SLC35F1: variants seen among roughly 807,000 people sequenced by gnomAD.
SLC35F1 encodes solute carrier family 35 member F1.
SLC35F1 carries 14 observed loss-of-function variants against 48.7 expected under a neutral mutation model. The ratio of observed to expected loss-of-function variants is 0.29; its 90% CI spans 0.19 to 0.45. The LOEUF (loss-of-function observed/expected upper bound fraction) is 0.45. Ranked by LOEUF, SLC35F1 falls within the 20% of genes least tolerant of loss-of-function variation. SLC35F1 has a pLI of 1.00. For missense variants in SLC35F1, 404 were observed against 500.0 expected, an observed-to-expected ratio of 0.81 and a Z score of 1.83; for synonymous variants, 190 against 202.2, an observed-to-expected ratio of 0.94 and a Z score of 0.51.
intron 2 of SLC35F1, among the ~76,000 whole-genome samples, chr6:118,177,018 A>G (rs1774499506): frequency 6.6e-6 from 1 of 152,108 alleles, no homozygotes; most frequent in South Asian, 2.1e-4. Context: ...TTAACTTGTT[A>G]AAAGTTATTT....
chr6:118,084,006 GTGTAT>G (rs1185816165), intron 1 of SLC35F1, among the ~76,000 whole-genome samples: 3 of 152,184 alleles, frequency 2.0e-5, no homozygotes, highest in Non-Finnish European at 2.9e-5. Flanking sequence ...CCCTTTACAT[GTGTAT>G]TTTGTTTAAT....
At position 118,056,393 on chromosome 6, in the gene SLC35F1, G is replaced by A. The variant is rs1772463975; in HGVS notation, c.174-98052G>A. Among the ~76,000 whole-genome samples the A allele has an allele frequency of 5.9e-5, 9 of 152,198 alleles. No homozygotes were observed. The South Asian group carries it at 1.9e-3, about 32-fold the overall frequency. On this transcript the variant is annotated intron_variant, in intron 1 of 7. Coordinates refer to ENST00000360388, the MANE Select transcript of SLC35F1 (RefSeq NM_001029858.4). ...CAGATAAATATACATCTCAAAAGCA[G>A]TGCTAGTCTCATCATATTTATTTGA...
chr6:118,205,788 G>T (rs982489011), intron 2 of SLC35F1, among the ~76,000 whole-genome samples: 1 of 152,048 alleles, frequency 6.6e-6, no homozygotes, highest in Non-Finnish European at 1.5e-5. Context: ...ACATATTATG[G>T]AATATTATTC....
intron 1 of SLC35F1, among the ~76,000 whole-genome samples, chr6:118,032,681 G>T (rs1173500980): frequency 6.6e-6 from 1 of 152,092 alleles, no homozygotes; most frequent in Non-Finnish European, 1.5e-5. Flanking sequence ...GTTATAGTTG[G>T]TGTTTTTAAA....
chr6:118,291,244 C>T (rs431522), intron 7 of SLC35F1, among the ~76,000 whole-genome samples: 56 of 9,204 alleles, frequency 6.1e-3, no homozygotes, highest in Admixed American at 0.017. Context: ...ATCATGTATA[C>T]ACACACACAC....
At chr6:118,094,774 C>A (rs924486411) in intron 1 of SLC35F1, among the ~76,000 whole-genome samples, 1 of 151,970 alleles carries the variant, frequency 6.6e-6, no homozygotes, top group Non-Finnish European at 1.5e-5. Flanking sequence ...TCGAGACCAG[C>A]CTGGCCAACA....
At chr6:118,149,989 C>T (rs2114460056) in intron 1 of SLC35F1, among the ~76,000 whole-genome samples, 1 of 152,200 alleles carries the variant, frequency 6.6e-6, no homozygotes, top group Admixed American at 6.5e-5. Context: ...ATTTTTGCCA[C>T]CAAAATAGTA....
intron 1 of SLC35F1, among the ~76,000 whole-genome samples, chr6:118,006,297 T>C (rs113194666): frequency 5.3e-5 from 8 of 152,144 alleles, no homozygotes; most frequent in African/African-American, 1.9e-4. Context: ...TAAGAAGGCT[T>C]TCTCCTGCAG....
At chr6:118,183,520 A>G (rs1268505770) in intron 2 of SLC35F1, among the ~76,000 whole-genome samples, 3 of 152,084 alleles carry the variant, frequency 2.0e-5, no homozygotes, top group Non-Finnish European at 4.4e-5. Flanking sequence ...ATTAAAAAAA[A>G]AGAAATTGTT....
At chr6:118,219,685 T>C (rs1775120411) in intron 2 of SLC35F1, among the ~76,000 whole-genome samples, 1 of 152,142 alleles carries the variant, frequency 6.6e-6, no homozygotes, top group South Asian at 2.1e-4. Context: ...ACCCAAAGGA[T>C]TATAAATCAT....
At chr6:118,174,837 C>T (rs1029569703) in intron 2 of SLC35F1, among the ~76,000 whole-genome samples, 2 of 151,962 alleles carry the variant, frequency 1.3e-5, no homozygotes, top group Admixed American at 6.6e-5. Flanking sequence ...ATATACTTCT[C>T]TTCAGAAACA....
intron 2 of SLC35F1, among the ~76,000 whole-genome samples, chr6:118,162,980 C>T (rs550589131): frequency 2.9e-5 from 4 of 139,168 alleles, no homozygotes; most frequent in South Asian, 2.3e-4. Context: ...TTTTTTGAGG[C>T]GGGGTCTCAC....
intron 1 of SLC35F1, among the ~76,000 whole-genome samples, chr6:117,982,998 T>C (rs1181918387): frequency 6.6e-6 from 1 of 152,228 alleles, no homozygotes; most frequent in African/African-American, 2.4e-5. Context: ...TTATCCAGCA[T>C]CATTCCCTAA....
intron 1 of SLC35F1, among the ~76,000 whole-genome samples, chr6:117,960,389 T>C (rs1372886728): frequency 6.6e-6 from 1 of 151,860 alleles, no homozygotes; most frequent in Non-Finnish European, 1.5e-5. Context: ...TTACCTAACA[T>C]TGCCACCTGA....
At chr6:117,971,144 C>T (rs1207490520) in intron 1 of SLC35F1, among the ~76,000 whole-genome samples, 1 of 152,208 alleles carries the variant, frequency 6.6e-6, no homozygotes, top group African/African-American at 2.4e-5. Flanking sequence ...TGGGTAAATA[C>T]ACCCATTCCA....
intron 2 of SLC35F1, among the ~76,000 whole-genome samples, chr6:118,230,016 C>A (rs141287603): frequency 6.6e-6 from 1 of 152,108 alleles, no homozygotes; most frequent in Non-Finnish European, 1.5e-5. Context: ...AAACAAAACT[C>A]TATATCAATT....
intron 1 of SLC35F1, among the ~76,000 whole-genome samples, chr6:117,930,459 A>G (rs1776085733): frequency 6.6e-6 from 1 of 152,194 alleles, no homozygotes; most frequent in African/African-American, 2.4e-5. Context: ...GCTTGAAAGG[A>G]AAGCCCTAAA....
At chr6:118,224,746 G>A (rs996464276) in intron 2 of SLC35F1, among the ~76,000 whole-genome samples, 1 of 152,152 alleles carries the variant, frequency 6.6e-6, no homozygotes, top group Non-Finnish European at 1.5e-5. Context: ...ACTGATGTTT[G>A]TATGTAGATT....
intron 2 of SLC35F1, among the ~76,000 whole-genome samples, chr6:118,216,492 AGAAAG>A (rs1433681180): frequency 1.3e-5 from 2 of 152,054 alleles, no homozygotes; most frequent in South Asian, 4.1e-4. Context: ...AGAAAAGAAA[AGAAAG>A]ACCAATGGAG....
Sources: gnomAD v4.1 joint callset for allele counts (sites outside exome capture counted in the v4.1 genomes callset) on GRCh38, gnomAD v4.1.1 for gene constraint, MANE v1.5 for transcripts, NCBI Gene and HGNC (gene_info 2026-07-23, HGNC 2026-07-21) for gene names.